TRIM26: variants seen among roughly 807,000 people sequenced by gnomAD.
TRIM26 encodes tripartite motif-containing protein 26.
Under a neutral mutation model 45.5 loss-of-function variants are expected in TRIM26, and 16 were observed. The ratio of observed to expected loss-of-function variants is 0.35; its 90% CI spans 0.24 to 0.53. The LOEUF (loss-of-function observed/expected upper bound fraction) is 0.53, where lower values mean the gene tolerates loss of function less well. Among genes scored for constraint, TRIM26 ranks in the 20% least tolerant of loss-of-function variants. TRIM26 has a pLI of 0.92. For synonymous variants in TRIM26, 273 were observed against 290.4 expected (o/e 0.94, Z 0.61); for missense variants, 442 against 691.1 (o/e 0.64, Z 4.04).
Position 30,186,216 on chromosome 6 carries a change from T to C in TRIM26, c.1280A>G (p.Glu427Gly), listed in dbSNP as rs113943164. The change falls in exon 10 of 10, where the codon GAG (glutamate) becomes GGG (glycine). Residue 427 changes from glutamate (E) to glycine (G), a missense_variant. By Grantham distance (98) the Glu-to-Gly change is moderately conservative. Coordinates refer to ENST00000454678, the MANE Select transcript of TRIM26 (RefSeq NM_003449.5). The surrounding 1 kb of genome is among the most constrained non-coding windows in gnomAD (Gnocchi z 7.4). Reference sequence around the variant, plus strand: ...TTCCAGAACTTCCTCCTCTTCCTCCTCCTCTTCTTCCTCTTCATCGCCCAA... The same window carrying C: ...TTCCAGAACTTCCTCCTCTTCCTCCCCCTCTTCTTCCTCTTCATCGCCCAA... ...ESLGDEEEEE[E>G]EEEEEVLESC... 3.0e-4 allele frequency: 474 copies of C among 1,595,382 alleles called. No individual in the cohort carries two copies. In the African/African-American group the frequency reaches 4.0e-3, roughly 13 times the overall value.
intron 6 of TRIM26, among the ~76,000 whole-genome samples, chr6:30,195,109 C>T (rs1033605026): frequency 2.0e-5 from 3 of 152,072 alleles, no homozygotes; most frequent in Non-Finnish European, 4.4e-5. Flanking sequence ...TCATTGAGGG[C>T]CAGGCTTCTG....
chr6:30,194,874 A>G (rs1159735948), intron 6 of TRIM26, among the ~76,000 whole-genome samples: 2 of 152,108 alleles, frequency 1.3e-5, no homozygotes, highest in Non-Finnish European at 2.9e-5. Flanking sequence ...CCAGCCTGGG[A>G]GACAGAGCGA....
rs1261496627 is a variant in TRIM26, at chr6:30,209,032, T to C, written c.-375-4267A>G. 6.6e-6 allele frequency among the ~76,000 whole-genome samples: 1 copy of C among 151,550 alleles called. No homozygotes were observed. The highest frequency in any genetic ancestry group is 6.6e-5 in the Admixed American group (1 of 15,190). On this transcript the variant is annotated intron_variant, in intron 1 of 9. Coordinates refer to ENST00000454678, the MANE Select transcript of TRIM26 (RefSeq NM_003449.5). The surrounding 1 kb of genome is among the most constrained non-coding windows in gnomAD (Gnocchi z 4.8). ...TCCTATAGCAGCAGACCAGATATTG[T>C]GCTCCTCGACCCAACCAGTAAATGT...
intron 6 of TRIM26, among the ~76,000 whole-genome samples, chr6:30,193,062 GT>G (rs1562198483): frequency 2.7e-4 from 34 of 126,050 alleles, no homozygotes; most frequent in Non-Finnish European, 4.3e-4. Context: ...CAGCTTTGTA[GT>G]ATATATATAT....
intron 9 of TRIM26, chr6:30,187,439 A>G: frequency 2.0e-6 from 1 of 499,082 alleles, no homozygotes; most frequent in South Asian, 1.6e-5. Context: ...CCAGGTTATG[A>G]TAAAGCTCTC....
chr6:30,193,182 A>ATATATATATTTTTT (rs9280916), intron 6 of TRIM26, among the ~76,000 whole-genome samples: 2 of 38,814 alleles, frequency 5.2e-5, no homozygotes, highest in African/African-American at 2.4e-4. Context: ...ATATATATAT[A>ATATATATATTTTTT]TTTTTTTTTT....
At chr6:30,203,117 C>T (rs979714811) in intron 2 of TRIM26, among the ~76,000 whole-genome samples, 1 of 148,252 alleles carries the variant, frequency 6.7e-6, no homozygotes, top group African/African-American at 2.5e-5. Context: ...TATCTGGGCT[C>T]ACTGCAACCT....
chr6:30,195,945 T>G (rs1331858143), intron 6 of TRIM26, among the ~76,000 whole-genome samples: 1 of 152,110 alleles, frequency 6.6e-6, no homozygotes, highest in Non-Finnish European at 1.5e-5. Context: ...CCTCCCTTTC[T>G]CACTATCAAA....
At chr6:30,205,155 C>A (rs1312488515) in intron 1 of TRIM26, among the ~76,000 whole-genome samples, 1 of 152,110 alleles carries the variant, frequency 6.6e-6, no homozygotes, top group Non-Finnish European at 1.5e-5. Flanking sequence ...GCAGGAGAAT[C>A]GCTTGAACCC....
In TRIM26 at chr6:30,198,322, T is replaced by C. The variant is rs1181178747; in HGVS notation, c.534+107A>G. ...CTGCCAGGCTGACACCCATCCTCCCTGTGAGCAGCGCCTAGAAACACCTCC... is the reference window on the plus strand; with the variant it reads ...CTGCCAGGCTGACACCCATCCTCCCCGTGAGCAGCGCCTAGAAACACCTCC... On this transcript the variant is annotated intron_variant, in intron 5 of 9. Coordinates refer to ENST00000454678, the MANE Select transcript of TRIM26 (RefSeq NM_003449.5). This position sits in a 1 kb window ranked among gnomAD's most constrained non-coding sequence, Gnocchi z 6.3. The C allele has an allele frequency of 1.6e-6, 2 of 1,224,992 alleles. No homozygotes were observed. The highest frequency in any genetic ancestry group is 2.3e-5 in the East Asian group (1 of 43,064). 75.9% of individuals were successfully genotyped at this position (1,224,992 alleles called of 1,614,324 possible).
At chr6:30,204,816 T>C (rs1318027037) in intron 1 of TRIM26, 51 bp from the exon 2 acceptor site, 1 of 149,884 alleles carries the variant, frequency 6.7e-6, no homozygotes, top group Non-Finnish European at 1.5e-5. Context: ...ACCTCAGAGA[T>C]GACCCACTCC....
In TRIM26 at chr6:30,196,698, C is replaced by A; in HGVS notation, c.583G>T (p.Gly195Cys). 6.2e-7 allele frequency: 1 copy of A among 1,614,246 alleles called. No homozygotes were observed. Among genetic ancestry groups the A allele is most frequent in the Non-Finnish European group, 8.5e-7 (1 of 1,180,042 alleles). ...TCCCGCTCCCTCAGGAACTGATGAC[C>A]CTGCTCAAACTCAGCCACAATGTAC... is the stretch of plus-strand genomic sequence containing the variant. ...RQYIVAEFEQGHQFLREREEH... is the reference protein window; with the variant it reads ...RQYIVAEFEQCHQFLREREEH... The change falls in exon 6 of 10, where the codon GGT becomes TGT. Residue 195 changes from glycine to cysteine, a missense_variant. Gly to Cys is a radical substitution (Grantham distance 159). Transcript: ENST00000454678. The surrounding 1 kb of genome is among the most constrained non-coding windows in gnomAD (Gnocchi z 4.9).
At chr6:30,195,156 G>T (rs959591077) in intron 6 of TRIM26, among the ~76,000 whole-genome samples, 1 of 152,020 alleles carries the variant, frequency 6.6e-6, no homozygotes, top group African/African-American at 2.4e-5. Context: ...TTAGGAAAAG[G>T]CACCCCTCCG....
chr6:30,200,815 G>C (rs17188233), intron 3 of TRIM26, among the ~76,000 whole-genome samples: 8 of 152,186 alleles, frequency 5.3e-5, no homozygotes, highest in Non-Finnish European at 7.3e-5. Context: ...TTTCTAAGCA[G>C]GTCATGTGAA....
In TRIM26 at chr6:30,185,934, C is replaced by T. The variant is rs1179132823; in HGVS notation, c.1562G>A (p.Arg521His). ...CTTGAGCCACAGGAAGGGGACCAGG[C>T]GCCGGGTGAAGGTGGCAGTGAAGGT... ...IYTFTATFTRRLVPFLWLKWP... is the reference protein window; with the variant it reads ...IYTFTATFTRHLVPFLWLKWP... Residue 521 changes from arginine (R) to histidine (H), a missense_variant, in exon 10 of 10, where the codon CGC (arginine) becomes CAC (histidine). Coordinates refer to ENST00000454678, the MANE Select transcript of TRIM26 (RefSeq NM_003449.5). The surrounding 1 kb of genome is among the most constrained non-coding windows in gnomAD (Gnocchi z 5.7). The T allele has an allele frequency of 3.1e-6, 5 of 1,612,960 alleles. No individual in the cohort carries two copies. The highest frequency in any genetic ancestry group is 4.2e-6 in the Non-Finnish European group (5 of 1,179,994).
At position 30,196,236 on chromosome 6, in the gene TRIM26, G is replaced by A. The variant is rs1477841168; in HGVS notation, c.765+280C>T. Among the ~76,000 whole-genome samples, 1 of 152,220 alleles carries A rather than the reference G, an allele frequency of 6.6e-6. No individual in the cohort carries two copies. Among genetic ancestry groups the A allele is most frequent in the East Asian group, 1.9e-4 (1 of 5,200 alleles). ...ATGGCAGTGATGAGGATGGAGGATG[G>A]TAAATGATATTAATAATCTTCCCTT... On this transcript the variant is annotated intron_variant, in intron 6 of 9. Transcript: ENST00000454678. The surrounding 1 kb of genome is among the most constrained non-coding windows in gnomAD (Gnocchi z 4.9).
At chr6:30,208,956 A>C (rs1778010445) in intron 1 of TRIM26, among the ~76,000 whole-genome samples, 1 of 132,722 alleles carries the variant, frequency 7.5e-6, no homozygotes, top group African/African-American at 2.6e-5. Flanking sequence ...GTGTGTATTT[A>C]ACTCCCCAAA....
intron 2 of TRIM26, among the ~76,000 whole-genome samples, chr6:30,202,623 T>C (rs1777301333): frequency 6.6e-6 from 1 of 152,232 alleles, no homozygotes; most frequent in African/African-American, 2.4e-5. Flanking sequence ...ACATTACCTA[T>C]GAAGTGTTTG....
In TRIM26 at chr6:30,189,787, G is replaced by C; in HGVS notation, c.788+226C>G. On this transcript the variant is annotated intron_variant, in intron 7 of 9. Transcript: ENST00000454678. The surrounding 1 kb of genome is among the most constrained non-coding windows in gnomAD (Gnocchi z 5.0). ...TCTGCTCTGTCCCACCTCAAATAAG[G>C]CCAGTGGGCCAAGGAGCTGGGGCTA... 1 of 642,430 alleles carries C rather than the reference G, an allele frequency of 1.6e-6. No individual in the cohort carries two copies. The highest frequency in any genetic ancestry group is 2.7e-6 in the Non-Finnish European group (1 of 374,526). 39.8% of individuals were successfully genotyped at this position (642,430 alleles called of 1,614,324 possible).
Sources: allele counts gnomAD v4.1 joint callset (sites outside exome capture counted in the v4.1 genomes callset), GRCh38; gene constraint gnomAD v4.1.1; non-coding constraint Gnocchi (gnomAD v3.1); transcripts MANE v1.5; gene names NCBI Gene and HGNC (gene_info 2026-07-23, HGNC 2026-07-21).